SHISA9: variants seen among roughly 807,000 people sequenced by gnomAD.
The protein encoded by SHISA9 is shisa family member 9.
Under a neutral mutation model 38.0 loss-of-function variants are expected in SHISA9, and 13 were observed. That is an observed-to-expected ratio of 0.34 (90% CI 0.22 to 0.54). The LOEUF is 0.54. Ranked by LOEUF, SHISA9 falls within the 20% of genes least tolerant of loss-of-function variation. The pLI is 0.91. For missense variants in SHISA9, 538 were observed against 575.8 expected (o/e 0.93, Z 0.67); for synonymous variants, 275 against 242.0 (o/e 1.14, Z -1.27).
the SHISA9 span, among the ~76,000 whole-genome samples, chr16:13,303,234 A>G: frequency 6.6e-6 from 1 of 152,224 alleles, no homozygotes; most frequent in Non-Finnish European, 1.5e-5. Context: ...TATATACTCA[A>G]AAGAAAGGAA....
chr16:13,241,957 A>G (rs980177320), downstream of SHISA9, among the ~76,000 whole-genome samples: 1 of 152,214 alleles, frequency 6.6e-6, no homozygotes, highest in Non-Finnish European at 1.5e-5. Flanking sequence ...CTCTGTGAGG[A>G]GAGCCACACT....
chr16:13,476,349 T>A, the SHISA9 span, among the ~76,000 whole-genome samples: 1 of 152,182 alleles, frequency 6.6e-6, no homozygotes, highest in African/African-American at 2.4e-5. Flanking sequence ...TATAAACCCC[T>A]AATTTTAGTC....
At chr16:13,054,963 T>G (rs1431958732) in intron 2 of SHISA9, among the ~76,000 whole-genome samples, 1 of 152,248 alleles carries the variant, frequency 6.6e-6, no homozygotes, top group African/African-American at 2.4e-5. Context: ...TATATGGCTC[T>G]TTCTTAGGGA....
At chr16:13,011,026 T>C (rs2072666189) in intron 2 of SHISA9, among the ~76,000 whole-genome samples, 1 of 152,202 alleles carries the variant, frequency 6.6e-6, no homozygotes. Context: ...CCGATATTCT[T>C]GCTAATATCT....
the SHISA9 span, among the ~76,000 whole-genome samples, chr16:13,277,677 G>A: frequency 6.7e-6 from 1 of 149,410 alleles, no homozygotes; most frequent in African/African-American, 2.5e-5. Flanking sequence ...TTCTTTTTTT[G>A]CAGCTATTGT....
At chr16:13,363,771 T>G in the SHISA9 span, among the ~76,000 whole-genome samples, 1 of 152,172 alleles carries the variant, frequency 6.6e-6, no homozygotes, top group Non-Finnish European at 1.5e-5. Context: ...GTTTTAAACT[T>G]TTGAGTTCCT....
the SHISA9 span, among the ~76,000 whole-genome samples, chr16:13,276,275 T>TA: frequency 6.6e-6 from 1 of 151,800 alleles, no homozygotes; most frequent in African/African-American, 2.4e-5. Context: ...TAGTATTCCA[T>TA]CATATATATA....
chr16:13,539,326 G>GTATATATATATATAT, the SHISA9 span, among the ~76,000 whole-genome samples: 1 of 33,842 alleles, frequency 3.0e-5, no homozygotes. Context: ...ATAAAGACAG[G>GTATATATATATATAT]ATCTTTATAT....
chr16:12,953,196 CAAA>C (rs1177992016), intron 2 of SHISA9, among the ~76,000 whole-genome samples: 3 of 146,496 alleles, frequency 2.0e-5, no homozygotes, highest in African/African-American at 7.4e-5. Context: ...AAAAGAAAAA[CAAA>C]AAAACCCCTC....
intron 2 of SHISA9, among the ~76,000 whole-genome samples, chr16:13,129,334 C>T (rs1260771288): frequency 1.3e-5 from 2 of 152,162 alleles, no homozygotes; most frequent in African/African-American, 2.4e-5. Context: ...TTCAGGGACT[C>T]AGGCAGCTTT....
intron 2 of SHISA9, among the ~76,000 whole-genome samples, chr16:13,060,990 C>G (rs1269847018): frequency 6.6e-6 from 1 of 152,084 alleles, no homozygotes; most frequent in Non-Finnish European, 1.5e-5. Flanking sequence ...TTCCATGTCC[C>G]CTCCAAGGCA....
the SHISA9 span, among the ~76,000 whole-genome samples, chr16:13,351,379 T>C: frequency 2.0e-5 from 3 of 152,040 alleles, no homozygotes; most frequent in Non-Finnish European, 4.4e-5. Flanking sequence ...CACTGACTGG[T>C]GGGTGGCAGG....
chr16:12,936,372 A>G (rs1053633603), intron 2 of SHISA9, among the ~76,000 whole-genome samples: 1 of 152,194 alleles, frequency 6.6e-6, no homozygotes, highest in African/African-American at 2.4e-5. Context: ...CCAATGTCAT[A>G]TTCTCTTACC....
At chr16:13,106,867 A>G (rs1043157721) in intron 2 of SHISA9, among the ~76,000 whole-genome samples, 5 of 152,206 alleles carry the variant, frequency 3.3e-5, no homozygotes, top group African/African-American at 1.2e-4. Context: ...CCCAGAGGAA[A>G]CAGAACCAAG....
At chr16:13,156,969 T>C (rs1284818153) in intron 2 of SHISA9, among the ~76,000 whole-genome samples, 1 of 152,194 alleles carries the variant, frequency 6.6e-6, no homozygotes, top group East Asian at 1.9e-4. Flanking sequence ...TGTATATAAA[T>C]GCAATTTGCA....
At chr16:12,966,800 C>A (rs2071985032) in intron 2 of SHISA9, among the ~76,000 whole-genome samples, 2 of 152,166 alleles carry the variant, frequency 1.3e-5, no homozygotes, top group Non-Finnish European at 2.9e-5. Flanking sequence ...GGAAGATGTT[C>A]AGCATAGTTA....
chr16:13,162,050 A>G (rs916089865), intron 2 of SHISA9, among the ~76,000 whole-genome samples: 3 of 152,208 alleles, frequency 2.0e-5, no homozygotes, highest in African/African-American at 7.2e-5. Flanking sequence ...GAAGGGGATA[A>G]TGTAATGGCA....
intron 2 of SHISA9, among the ~76,000 whole-genome samples, chr16:13,049,323 T>C (rs2073224940): frequency 1.3e-5 from 2 of 152,100 alleles, no homozygotes; most frequent in Non-Finnish European, 2.9e-5. Context: ...CCTTTCCCCA[T>C]CTGTAAAATA....
chr16:13,055,029 C>T (rs544806458), intron 2 of SHISA9, among the ~76,000 whole-genome samples: 8 of 152,102 alleles, frequency 5.3e-5, no homozygotes, highest in Non-Finnish European at 7.4e-5. Context: ...ACAAGCTGCC[C>T]CAAGTTTATA....
Sources: gnomAD v4.1 joint callset for allele counts (sites outside exome capture counted in the v4.1 genomes callset) on GRCh38, gnomAD v4.1.1 for gene constraint, MANE v1.5 for transcripts, NCBI Gene and HGNC (gene_info 2026-07-23, HGNC 2026-07-21) for gene names.